Variants in NNT observed in about 807,000 individuals in gnomAD.
NNT encodes the protein nicotinamide nucleotide transhydrogenase, also known as NAD(P) transhydrogenase, mitochondrial.
In NNT, 50 loss-of-function variants were observed where a neutral mutation model predicts 104.8. The observed-to-expected ratio is 0.48, with a 90% CI of 0.38 to 0.60. The LOEUF is 0.60. NNT is among the 20% of genes least tolerant of loss of function. NNT has a pLI of 0.00. For synonymous variants in NNT, 461 were observed against 490.4 expected (o/e 0.94, Z 0.79); for missense variants, 1,131 against 1,330.7 (o/e 0.85, Z 2.33).
At chr5:43,644,388 T>TTTTCTAAA (rs1289054464) in intron 8 of NNT, 63 bp downstream of exon 8, 2 of 1,552,804 alleles carry the variant, frequency 1.3e-6, no homozygotes, top group Admixed American at 4.2e-5. Context: ...GGGGGGGTGT[T>TTTTCTAAA]TATTTCTTTA....
At chr5:43,693,571 G>A (rs748637204) in intron 19 of NNT, among the ~76,000 whole-genome samples, 4 of 152,186 alleles carry the variant, frequency 2.6e-5, no homozygotes, top group Non-Finnish European at 5.9e-5. Flanking sequence ...TACATGAAAA[G>A]TATGCACATA....
chr5:43,623,731 T>C (rs1750216574), intron 5 of NNT, among the ~76,000 whole-genome samples: 1 of 152,226 alleles, frequency 6.6e-6, no homozygotes, highest in Non-Finnish European at 1.5e-5. Flanking sequence ...TCAACATACG[T>C]AATGCTGATC....
Position 43,706,055 on chromosome 5 carries a change from T to A in NNT, c.*1651T>A, listed in dbSNP as rs1001735752. On this transcript the variant is annotated 3_prime_UTR_variant, in exon 22 of 22. Coordinates refer to ENST00000344920, the MANE Select transcript of NNT (RefSeq NM_182977.3). ...ACTAAAAATAATCATACTTGGATTT[T>A]ATTTATTTTTGTCATAGTAAAAATT... The A allele has an allele frequency of 5.3e-5, 8 of 151,856 alleles. No homozygotes were observed. The highest frequency in any genetic ancestry group is 1.0e-4 in the Non-Finnish European group (7 of 67,922). 9.4% of individuals were successfully genotyped at this position (151,856 alleles called of 1,614,324 possible). A position where few individuals can be genotyped will look rare whatever the true frequency, so the allele number is the denominator to read the frequency against.
chr5:43,664,136 G>T (rs1740507933), intron 17 of NNT, among the ~76,000 whole-genome samples: 1 of 152,156 alleles, frequency 6.6e-6, no homozygotes. Context: ...CAGTGCTATG[G>T]TTACACAATA....
At chr5:43,671,761 C>T (rs2112069140) in intron 17 of NNT, among the ~76,000 whole-genome samples, 1 of 152,124 alleles carries the variant, frequency 6.6e-6, no homozygotes, top group African/African-American at 2.4e-5. Context: ...AATTATGTGT[C>T]TTGGAGTTGC....
chr5:43,658,882 G>A (rs569845653), intron 16 of NNT, among the ~76,000 whole-genome samples: 2 of 152,186 alleles, frequency 1.3e-5, no homozygotes, highest in African/African-American at 4.8e-5. Context: ...TAGTGTCATT[G>A]TATTTTTCCA....
rs768228962 is a variant in NNT, at chr5:43,644,707, A to G, written c.1195A>G (p.Ile399Val). The change falls in exon 9 of 22, where the codon ATC becomes GTC. Residue 399 changes from isoleucine to valine, a missense_variant. Coordinates refer to ENST00000344920, the MANE Select transcript of NNT (RefSeq NM_182977.3). The part of the protein sequence containing the change: ...SNNITKLLKA[I>V]SPDKDNFYFD... Reference sequence around the variant, plus strand: ...CAACATCACCAAACTCCTGAAGGCCATCAGCCCGGACAAAGATAATTTTTA... The same window carrying G: ...CAACATCACCAAACTCCTGAAGGCCGTCAGCCCGGACAAAGATAATTTTTA... 1 of 1,614,244 alleles carries G rather than the reference A, an allele frequency of 6.2e-7. No homozygotes were observed. Among genetic ancestry groups the G allele is most frequent in the South Asian group, 1.1e-5 (1 of 91,090 alleles).
intron 10 of NNT, among the ~76,000 whole-genome samples, chr5:43,646,715 G>T (rs1363634440): frequency 3.3e-5 from 5 of 152,036 alleles, no homozygotes; most frequent in African/African-American, 1.2e-4. Context: ...GCACACATGG[G>T]TAGGACAAGG....
At chr5:43,666,434 A>AG (rs1267339276) in intron 17 of NNT, among the ~76,000 whole-genome samples, 5 of 152,194 alleles carry the variant, frequency 3.3e-5, no homozygotes, top group Non-Finnish European at 7.3e-5. Context: ...CCACCAAAAA[A>AG]TACGAAAACC....
intron 19 of NNT, 99 bp from the exon 20 acceptor site, chr5:43,700,020 G>C: frequency 1.2e-6 from 1 of 814,660 alleles, no homozygotes; most frequent in East Asian, 2.6e-5. Flanking sequence ...AAAAGCAGAG[G>C]TGCCAAGAAC....
intron 19 of NNT, 84 bp from the exon 20 acceptor site, chr5:43,700,035 T>C: frequency 1.0e-6 from 1 of 979,918 alleles, no homozygotes. Context: ...AAGAACAAAG[T>C]GTGCAGATTT....
At chr5:43,695,252 T>C (rs2112220195) in intron 19 of NNT, among the ~76,000 whole-genome samples, 1 of 152,328 alleles carries the variant, frequency 6.6e-6, no homozygotes, top group South Asian at 2.1e-4. Flanking sequence ...TTTTCAGGTC[T>C]TCCTTTTAGG....
At chr5:43,672,479 C>T (rs1741164100) in intron 17 of NNT, among the ~76,000 whole-genome samples, 1 of 152,206 alleles carries the variant, frequency 6.6e-6, no homozygotes, top group African/African-American at 2.4e-5. Flanking sequence ...GATGTCCTTT[C>T]TGTTTGTTAG....
At chr5:43,663,748 G>A (rs1389344736) in intron 17 of NNT, among the ~76,000 whole-genome samples, 1 of 152,148 alleles carries the variant, frequency 6.6e-6, no homozygotes, top group Non-Finnish European at 1.5e-5. Context: ...AAATTCTGGA[G>A]GTAGGAAATA....
intron 5 of NNT, among the ~76,000 whole-genome samples, chr5:43,620,573 T>A (rs945749488): frequency 6.7e-6 from 1 of 150,002 alleles, no homozygotes; most frequent in Non-Finnish European, 1.5e-5. Context: ...TCACACAAAA[T>A]AAATCTCCTG....
intron 7 of NNT, among the ~76,000 whole-genome samples, chr5:43,634,180 G>A (rs1426893433): frequency 6.6e-6 from 1 of 152,160 alleles, no homozygotes; most frequent in East Asian, 1.9e-4. Flanking sequence ...TGTCTCTGGA[G>A]AATTGGGTGG....
At chr5:43,690,196 C>T (rs1742195097) in intron 19 of NNT, among the ~76,000 whole-genome samples, 1 of 152,014 alleles carries the variant, frequency 6.6e-6, no homozygotes, top group Non-Finnish European at 1.5e-5. Flanking sequence ...CATCACAAAA[C>T]AATCCAGAAG....
rs369388635 is a variant in NNT, at chr5:43,689,704, A to T, written c.2877-10415A>T. Among the ~76,000 whole-genome samples, 56 of 152,320 alleles carry T rather than the reference A, an allele frequency of 3.7e-4. 1 individual carries two copies. The East Asian group carries it at 8.1e-3, about 22-fold the overall frequency. ...AGAAAAAGAATTCAGAAGGCCGATT[A>T]TTAAGCTAATCAAGGAGGCACCAGA... On this transcript the variant is annotated intron_variant, in intron 19 of 21. Transcript: ENST00000344920.
chr5:43,607,270 C>T (rs755413772), intron 1 of NNT, among the ~76,000 whole-genome samples: 13 of 152,278 alleles, frequency 8.5e-5, no homozygotes, highest in African/African-American at 1.4e-4. Context: ...GTGAAAATGG[C>T]CAGTTCCTGC....
Sources: allele counts gnomAD v4.1 joint callset (sites outside exome capture counted in the v4.1 genomes callset), GRCh38; gene constraint gnomAD v4.1.1; transcripts MANE v1.5; gene names NCBI Gene and HGNC (gene_info 2026-07-23, HGNC 2026-07-21).